The following IGDCC4 variants were observed in gnomAD, a reference collection of about 807,000 sequenced individuals.
IGDCC4 encodes immunoglobulin superfamily DCC subclass member 4.
A neutral mutation model predicts 116.6 loss-of-function variants in IGDCC4; 72 were observed. The observed-to-expected ratio is 0.62, with a 90% confidence interval of 0.51 to 0.75. IGDCC4 has a LOEUF of 0.75. IGDCC4 is among the 30% of genes least tolerant of loss of function. The pLI is 0.00. For missense variants in IGDCC4, 1,501 were observed against 1,662.4 expected (o/e 0.90, Z 1.69); for synonymous variants, 709 against 719.9 (o/e 0.98, Z 0.24).
At chr15:65,400,560 C>A (rs1427238591) in intron 5 of IGDCC4, among the ~76,000 whole-genome samples, 1 of 152,186 alleles carries the variant, frequency 6.6e-6, no homozygotes, top group Non-Finnish European at 1.5e-5. Flanking sequence ...AATAACCGTT[C>A]TGTAAGTGGC....
intron 1 of IGDCC4, among the ~76,000 whole-genome samples, chr15:65,417,088 T>C (rs1269246119): frequency 6.6e-6 from 1 of 152,222 alleles, no homozygotes; most frequent in Non-Finnish European, 1.5e-5. Context: ...TCCTCACTTC[T>C]GAATTTCAGG....
chr15:65,405,133 G>T (rs1015870659), intron 3 of IGDCC4, among the ~76,000 whole-genome samples: 13 of 136,192 alleles, frequency 9.5e-5, no homozygotes, highest in Non-Finnish European at 1.9e-4. Context: ...AGTTAGTGGG[G>T]GGGGGGGAGT....
chr15:65,400,639 C>A (rs2062975054), intron 5 of IGDCC4, among the ~76,000 whole-genome samples, 167 bp downstream of exon 5: 1 of 152,182 alleles, frequency 6.6e-6, no homozygotes, highest in Non-Finnish European at 1.5e-5. Flanking sequence ...GTTCCCCACG[C>A]AGCTCCGACC....
intron 18 of IGDCC4, 183 bp downstream of exon 18, chr15:65,385,648 G>A (rs1276081512): frequency 2.9e-6 from 2 of 680,048 alleles, no homozygotes; most frequent in Non-Finnish European, 5.3e-6. Flanking sequence ...TATTCCGCCG[G>A]GATATGGAGG....
rs1360489975 is a variant in IGDCC4 at position 65,382,550 on chromosome 15, G to A, written c.*1459C>T. On this transcript the variant is annotated 3_prime_UTR_variant, in exon 20 of 20. Coordinates refer to ENST00000352385, the MANE Select transcript of IGDCC4 (RefSeq NM_020962.3). The stretch of plus-strand genomic sequence containing the variant: ...TATGCTCCTATGAGAGGGCTGAGGT[G>A]AAAAACCAAATAAATGACATTGTTT... The A allele has an allele frequency of 2.0e-5, 3 of 152,538 alleles. No homozygotes were observed. The highest frequency in any genetic ancestry group is 7.2e-5 in the African/African-American group (3 of 41,400). The allele number at this position is 152,538 out of a possible 1,614,324, so 9.4% of individuals were successfully genotyped here.
At chr15:65,385,215 G>T in intron 18 of IGDCC4, 100 bp from the exon 19 acceptor site, 1 of 1,228,118 alleles carries the variant, frequency 8.1e-7, no homozygotes, top group Non-Finnish European at 1.1e-6. Context: ...GGGGGAGCAG[G>T]GTCCAGACTG....
Position 65,385,121 on chromosome 15 carries a change from C to T in IGDCC4, c.3181-6G>A, listed in dbSNP as rs2277581. On this transcript the variant is annotated splice_polypyrimidine_tract_variant and splice_region_variant and intron_variant, in intron 18 of 19. Transcript: ENST00000352385. ...CTTGGTTGAGCCCAGGAGATCTGCA[C>T]GGGGGAAAGAAGGGGACAGTAAGGG... 1 of 1,580,564 alleles carries T rather than the reference C, an allele frequency of 6.3e-7. No individual in the cohort carries two copies. The highest frequency in any genetic ancestry group is 8.5e-7 in the Non-Finnish European group (1 of 1,171,060).
chr15:65,389,321 A>T lies in IGDCC4; in HGVS notation c.2499T>A (p.Pro833=). Residue 833 remains proline, a synonymous_variant, in exon 14 of 20, where the codon CCT becomes CCA. Transcript: ENST00000352385. ...TGGAGCGCTCCACCACAGAGCCGAA[A>T]GGCCCATCCATGTCCACGCCGTGAG... The part of the protein sequence containing the change: ...VQSHGVDMDG[P]FGSVVERSTL... 6.2e-7 allele frequency: 1 copy of T among 1,614,134 alleles called. No homozygotes were observed. The highest frequency in any genetic ancestry group is 1.1e-5 in the South Asian group (1 of 91,084).
chr15:65,421,732 C>G (rs139683206), intron 1 of IGDCC4, among the ~76,000 whole-genome samples: 573 of 151,960 alleles, frequency 3.8e-3, no homozygotes, highest in African/African-American at 0.012. Flanking sequence ...TCAGCTCCCC[C>G]CTCCGCGGGG....
In IGDCC4 at chr15:65,388,932, C is replaced by G; in HGVS notation, c.2583G>C (p.Pro861=). 6.2e-7 allele frequency: 1 copy of G among 1,612,494 alleles called. No individual in the cohort carries two copies. Among genetic ancestry groups the G allele is most frequent in the Non-Finnish European group, 8.5e-7 (1 of 1,179,480 alleles). The change falls in exon 15 of 20, where the codon CCG becomes CCC. Residue 861 remains proline, a synonymous_variant. Transcript: ENST00000352385. ...GGCACCAGTGCAGCCGAACCGTGGA[C>G]GGTGTCAGGGGGCTCAGTCGCAGGT... is the stretch of plus-strand genomic sequence containing the variant. The part of the protein sequence containing the change: ...PSDLRLSPLT[P]STVRLHWCPP...
In IGDCC4 at chr15:65,400,015, G is replaced by A. The variant is rs1418607244; in HGVS notation, c.841+791C>T. On this transcript the variant is annotated intron_variant, in intron 5 of 19. Transcript: ENST00000352385. Reference sequence around the variant, plus strand: ...AACAGACTTGAAAGCTTGGGTCCCAGCTCTTCCACTGCCTCTCTGAGCCTC... The same window carrying A: ...AACAGACTTGAAAGCTTGGGTCCCAACTCTTCCACTGCCTCTCTGAGCCTC... Among the ~76,000 whole-genome samples the A allele has an allele frequency of 2.0e-5, 3 of 152,318 alleles. No homozygotes were observed. In the South Asian group the frequency reaches 6.2e-4, roughly 32 times the overall value.
chr15:65,386,337 T>A (rs1381512372), intron 17 of IGDCC4, among the ~76,000 whole-genome samples: 2 of 152,208 alleles, frequency 1.3e-5, no homozygotes, highest in African/African-American at 4.8e-5. Flanking sequence ...GCAGTTCTGT[T>A]GGCCTTGCTG....
Position 65,410,820 on chromosome 15 carries a change from A to C in IGDCC4, c.421+200T>G, listed in dbSNP as rs2063083963. On this transcript the variant is annotated intron_variant, in intron 2 of 19. Coordinates refer to ENST00000352385, the MANE Select transcript of IGDCC4 (RefSeq NM_020962.3). ...AGCAGAAGGAACAGGGGAGTGGAGA[A>C]GAAGCGGGAAGATTATGGAATACCC... 31 of 585,798 alleles carry C rather than the reference A, an allele frequency of 5.3e-5. 1 individual carries two copies. The South Asian group carries it at 6.5e-4, about 12-fold the overall frequency. The allele number at this position is 585,798 out of a possible 1,614,324, so 36.3% of individuals were successfully genotyped here. A position where few individuals can be genotyped will look rare whatever the true frequency, so the allele number is the denominator to read the frequency against.
At chr15:65,405,448 G>T (rs2063032389) in intron 3 of IGDCC4, among the ~76,000 whole-genome samples, 2 of 152,130 alleles carry the variant, frequency 1.3e-5, no homozygotes, top group African/African-American at 4.8e-5. Flanking sequence ...ATGCTGGAGA[G>T]AACTGGTTTC....
chr15:65,390,108 C>A (rs756090692), intron 13 of IGDCC4, 47 bp downstream of exon 13: 1 of 1,483,100 alleles, frequency 6.7e-7, no homozygotes, highest in Non-Finnish European at 9.2e-7. Context: ...CCACCCCCCA[C>A]CTATTCTTCC....
rs2062872541 is a variant in IGDCC4 at position 65,392,114 on chromosome 15, C to G, written c.2122+20G>C. ...ACTGAAGCTACATCCCTCCCTCCCC[C>G]TCCCCCCAGCCCTCCTCACCTAGCT... is the stretch of plus-strand genomic sequence containing the variant. On this transcript the variant is annotated intron_variant, in intron 11 of 19. Coordinates refer to ENST00000352385, the MANE Select transcript of IGDCC4 (RefSeq NM_020962.3). 3 of 1,533,284 alleles carry G rather than the reference C, an allele frequency of 2.0e-6. No homozygotes were observed. Among genetic ancestry groups the G allele is most frequent in the South Asian group, 1.2e-5 (1 of 84,134 alleles). 95.0% of individuals were successfully genotyped at this position (1,533,284 alleles called of 1,614,324 possible).
intron 1 of IGDCC4, among the ~76,000 whole-genome samples, chr15:65,416,136 CTT>C (rs60072640): frequency 1.3e-5 from 1 of 77,610 alleles, no homozygotes; most frequent in Non-Finnish European, 2.3e-5. Context: ...AATGTTTTGA[CTT>C]TTTTTTTTTT....
intron 12 of IGDCC4, among the ~76,000 whole-genome samples, chr15:65,390,694 T>G (rs2091506316): frequency 6.6e-6 from 1 of 152,226 alleles, no homozygotes; most frequent in Admixed American, 6.5e-5. Context: ...CTCCATTCAC[T>G]ATTCTAATGA....
rs147139656 is a variant in IGDCC4, at chr15:65,394,518, G to T, written c.1607C>A (p.Ser536Tyr). ...CCTGATGTCCGAAGGGTTGGGGCTGGACAGGGAGAGCTGGGGTGCTGCACT... is the reference window on the plus strand; with the variant it reads ...CCTGATGTCCGAAGGGTTGGGGCTGTACAGGGAGAGCTGGGGTGCTGCACT... Reference protein sequence around the residue: ...VPSAAPQLSLSSPNPSDIRVA... With the variant: ...VPSAAPQLSLYSPNPSDIRVA... Residue 536 changes from serine to tyrosine, a missense_variant, in exon 9 of 20, where the codon TCC becomes TAC. Around this residue, in one of 3 missense-constraint regions of IGDCC4, gnomAD observed 898 missense variants for 978.9 expected, o/e 0.92. Transcript: ENST00000352385. The T allele has an allele frequency of 6.2e-6, 10 of 1,611,292 alleles. No homozygotes were observed. Among genetic ancestry groups the T allele is most frequent in the Middle Eastern group, 1.6e-4 (1 of 6,062 alleles).
Sources: gnomAD v4.1 joint callset for allele counts (sites outside exome capture counted in the v4.1 genomes callset) on GRCh38, gnomAD v4.1.1 for gene constraint, gnomAD v4.1.1 regional missense constraint, MANE v1.5 for transcripts, NCBI Gene and HGNC (gene_info 2026-07-23, HGNC 2026-07-21) for gene names.